The following IL31RA variants were observed in gnomAD, a reference collection of about 807,000 sequenced individuals.
IL31RA encodes the protein interleukin-31 receptor subunit alpha.
In IL31RA, 66 loss-of-function variants were observed where a neutral mutation model predicts 83.7. The ratio of observed to expected loss-of-function variants is 0.79; its 90% CI spans 0.65 to 0.97. The LOEUF (loss-of-function observed/expected upper bound fraction) is 0.97, where lower values mean the gene tolerates loss of function less well. IL31RA is among the 50% of genes least tolerant of loss of function. The pLI, the probability that IL31RA is intolerant of heterozygous loss-of-function variation, is 0.00. For missense variants in IL31RA, 798 were observed against 919.4 expected, an observed-to-expected ratio of 0.87 and a Z score of 1.71; for synonymous variants, 325 against 329.0, an observed-to-expected ratio of 0.99 and a Z score of 0.13.
chr5:55,865,727 G>A (rs1337653067), intron 2 of IL31RA, among the ~76,000 whole-genome samples: 5 of 152,186 alleles, frequency 3.3e-5, no homozygotes, highest in Non-Finnish European at 7.4e-5. Context: ...CCACTGGAAA[G>A]TCAGGCAAGG....
rs1749155717 is a variant in IL31RA, at chr5:55,906,348, T to G, written c.1252+60T>G. On this transcript the variant is annotated intron_variant, in intron 9 of 14. Coordinates refer to ENST00000652347, the MANE Select transcript of IL31RA (RefSeq NM_139017.7). ...CAGGGTTTGGTTTCATTTTCATCCA[T>G]TTTTAGATCTTTAACTTTGGCTTCA... is the stretch of plus-strand genomic sequence containing the variant. 2.0e-6 allele frequency: 3 copies of G among 1,501,396 alleles called. No homozygotes were observed. In the South Asian group the frequency reaches 3.4e-5, roughly 17 times the overall value. 93.0% of individuals were successfully genotyped at this position (1,501,396 alleles called of 1,614,324 possible).
Position 55,907,414 on chromosome 5 carries a change from C to T in IL31RA, c.1308C>T (p.Asp436=). 1 of 1,613,068 alleles carries T rather than the reference C, an allele frequency of 6.2e-7. No homozygotes were observed. Among genetic ancestry groups the T allele is most frequent in the East Asian group, 2.2e-5 (1 of 44,812 alleles). Reference sequence around the variant, plus strand: ...TCTCTGTGTATCCAATGTTGCATGACAAAGTTGGCGAGCCATATTCCATCC... The same window carrying T: ...TCTCTGTGTATCCAATGTTGCATGATAAAGTTGGCGAGCCATATTCCATCC... ...YNISVYPMLH[D]KVGEPYSIQA... is the part of the protein sequence containing the mutation. The change falls in exon 10 of 15, where the codon GAC becomes GAT. Residue 436 remains aspartate (D), a synonymous_variant. Transcript: ENST00000652347.
chr5:55,913,699 G>A (rs1490446681), intron 13 of IL31RA, 129 bp downstream of exon 13: 27 of 727,368 alleles, frequency 3.7e-5, no homozygotes, highest in South Asian at 7.3e-5. Flanking sequence ...AACTTGGTGC[G>A]TATTTATTGA....
intron 2 of IL31RA, among the ~76,000 whole-genome samples, chr5:55,865,727 G>C (rs1337653067): frequency 1.3e-5 from 2 of 152,186 alleles, no homozygotes; most frequent in East Asian, 3.8e-4. Context: ...CCACTGGAAA[G>C]TCAGGCAAGG....
In IL31RA at chr5:55,907,409, C is replaced by T. The variant is rs763796412; in HGVS notation, c.1303C>T (p.His435Tyr). The change falls in exon 10 of 15, where the codon CAT becomes TAT. Residue 435 changes from histidine (H) to tyrosine (Y), a missense_variant. His to Tyr is a moderately conservative substitution (Grantham distance 83). Coordinates refer to ENST00000652347, the MANE Select transcript of IL31RA (RefSeq NM_139017.7). ...CYNISVYPML[H>Y]DKVGEPYSIQ... ...TAACATCTCTGTGTATCCAATGTTG[C>T]ATGACAAAGTTGGCGAGCCATATTC... 4.4e-5 allele frequency: 71 copies of T among 1,613,548 alleles called. No individual in the cohort carries two copies. The highest frequency in any genetic ancestry group is 5.9e-5 in the Non-Finnish European group (70 of 1,179,666).
chr5:55,891,761 A>AGTTTTTTT (rs1748010313), intron 6 of IL31RA, among the ~76,000 whole-genome samples: 1 of 59,992 alleles, frequency 1.7e-5, no homozygotes, highest in Non-Finnish European at 2.9e-5. Context: ...TTTGGACAAG[A>AGTTTTTTT]TTTTTTTTTT....
chr5:55,893,413 G>A (rs557558849), intron 6 of IL31RA, among the ~76,000 whole-genome samples: 2 of 152,348 alleles, frequency 1.3e-5, no homozygotes, highest in East Asian at 1.9e-4. Flanking sequence ...GCTGCTGGTT[G>A]TGGGGATGCC....
upstream of IL31RA, among the ~76,000 whole-genome samples, chr5:55,847,537 G>A (rs918884458): frequency 2.0e-5 from 3 of 151,652 alleles, no homozygotes; most frequent in African/African-American, 4.8e-5. Context: ...AGCCAAGATC[G>A]CACCACTACA....
At chr5:55,859,727 C>A in intron 2 of IL31RA, 128 bp downstream of exon 2, 1 of 748,204 alleles carries the variant, frequency 1.3e-6, no homozygotes, top group South Asian at 1.4e-5. Flanking sequence ...TTGTGAACAC[C>A]CTGAATTTGT....
At chr5:55,875,286 T>G (rs187088439) in intron 4 of IL31RA, among the ~76,000 whole-genome samples, 1 of 152,308 alleles carries the variant, frequency 6.6e-6, no homozygotes, top group East Asian at 1.9e-4. Flanking sequence ...TATTGAGGAT[T>G]TTTGCTCCTA....
intron 6 of IL31RA, among the ~76,000 whole-genome samples, chr5:55,890,666 C>T (rs902425507): frequency 2.6e-5 from 4 of 152,066 alleles, no homozygotes; most frequent in Non-Finnish European, 4.4e-5. Flanking sequence ...CACTGTGCCC[C>T]GCCAGTATCA....
chr5:55,910,564 G>A lies in IL31RA; in HGVS notation c.1534G>A (p.Gly512Ser), dbSNP rs150072056. ...KTVNSSILQY[G>S]LESLKRKTSY... ...AGTCAATTCCAGCATCTTGCAGTAC[G>A]GCCTGGAGTCCCTGAAACGAAAGAC... is the stretch of plus-strand genomic sequence containing the variant. The change falls in exon 12 of 15, where the codon GGC becomes AGC. Residue 512 changes from glycine (G) to serine (S), a missense_variant. Coordinates refer to ENST00000652347, the MANE Select transcript of IL31RA (RefSeq NM_139017.7). 38 of 1,613,952 alleles carry A rather than the reference G, an allele frequency of 2.4e-5. No individual in the cohort carries two copies. In the Admixed American group the frequency reaches 2.8e-4, roughly 12 times the overall value.
chr5:55,917,193 C>T lies in IL31RA; in HGVS notation c.*73C>T. ...TGCCAGAGAAGATGTCAAGACTCGG[C>T]ACGCAGCGCTTGCTTGGCCCTGCCA... On this transcript the variant is annotated 3_prime_UTR_variant, in exon 15 of 15. Transcript: ENST00000652347. The T allele has an allele frequency of 6.2e-7, 1 of 1,609,216 alleles. No homozygotes were observed. The highest frequency in any genetic ancestry group is 2.2e-5 in the East Asian group (1 of 44,866).
chr5:55,889,895 A>C (rs751932424), intron 5 of IL31RA, 75 bp from the exon 6 acceptor site: 29 of 1,301,514 alleles, frequency 2.2e-5, no homozygotes, highest in Non-Finnish European at 3.1e-5. Flanking sequence ...GTAAAAGTAC[A>C]CTAGGTAGTG....
intron 1 of IL31RA, among the ~76,000 whole-genome samples, chr5:55,857,384 G>A (rs868071972): frequency 4.6e-5 from 7 of 152,148 alleles, no homozygotes; most frequent in Admixed American, 2.0e-4. Flanking sequence ...TACATGTTGT[G>A]AGCCACTGCG....
rs546355661 is a variant in IL31RA, at chr5:55,908,489, G to A, written c.1501+78G>A. ...TATGGATAGACCTGTTGTAGGCATG[G>A]CTCCCCCATCTCATTGTGACTTGCA... On this transcript the variant is annotated intron_variant, in intron 11 of 14. Transcript: ENST00000652347. The A allele has an allele frequency of 5.6e-6, 9 of 1,613,596 alleles. No individual in the cohort carries two copies. The African/African-American group carries it at 9.3e-5, about 17-fold the overall frequency.
Position 55,908,387 on chromosome 5 carries a change from C to G in IL31RA, c.1477C>G (p.Gln493Glu), listed in dbSNP as rs1326218102. 6.2e-7 allele frequency: 1 copy of G among 1,614,002 alleles called. No individual in the cohort carries two copies. The highest frequency in any genetic ancestry group is 1.3e-5 in the African/African-American group (1 of 74,890). The stretch of plus-strand genomic sequence containing the variant: ...CATCTGCAACTACACCATCTTTTAC[C>G]AAGCTGAAGGTGGAAAAGGATTCTG... ...GIICNYTIFY[Q>E]AEGGKGFSKT... is the part of the protein sequence containing the mutation. The change falls in exon 11 of 15, where the codon CAA becomes GAA. Residue 493 changes from glutamine to glutamate, a missense_variant. By Grantham distance (29) the Gln-to-Glu change is conservative. Coordinates refer to ENST00000652347, the MANE Select transcript of IL31RA (RefSeq NM_139017.7).
At chr5:55,902,241 C>G (rs546979066) in intron 8 of IL31RA, 1 of 152,068 alleles carries the variant, frequency 6.6e-6, no homozygotes, top group Non-Finnish European at 1.5e-5. Context: ...ATGACAGAGA[C>G]GACCTAGCCC....
intron 5 of IL31RA, among the ~76,000 whole-genome samples, chr5:55,885,762 C>T (rs1477031102): frequency 6.6e-6 from 1 of 152,176 alleles, no homozygotes; most frequent in African/African-American, 2.4e-5. Flanking sequence ...TAAGCCAGCT[C>T]TGGAACCATT....
Sources: gnomAD v4.1 joint callset for allele counts (sites outside exome capture counted in the v4.1 genomes callset) on GRCh38, gnomAD v4.1.1 for gene constraint, MANE v1.5 for transcripts, NCBI Gene and HGNC (gene_info 2026-07-23, HGNC 2026-07-21) for gene names.